LRP4: variants seen among roughly 807,000 people sequenced by gnomAD.
LRP4 encodes the protein LDL receptor related protein 4.
LRP4 carries 95 observed loss-of-function variants against 220.3 expected under a neutral mutation model. That is an observed-to-expected ratio of 0.43 (90% CI 0.37 to 0.51). LRP4 has a LOEUF of 0.51. LRP4 is among the 20% of genes least tolerant of loss of function. The pLI, the probability that LRP4 is intolerant of heterozygous loss-of-function variation, is 0.00. For synonymous variants in LRP4, 903 were observed against 954.6 expected (o/e 0.95, Z 1.00); for missense variants, 1,925 against 2,567.0 (o/e 0.75, Z 5.40).
chr11:46,886,558 TC>T, intron 16 of LRP4, 25 bp from the exon 17 acceptor site: 1 of 1,590,144 alleles, frequency 6.3e-7, no homozygotes, highest in East Asian at 2.2e-5. Context: ...AAAGGGGTCT[TC>T]TTTTAATGCT....
chr11:46,896,514 A>G (rs942076886), intron 8 of LRP4, among the ~76,000 whole-genome samples, 179 bp from the exon 9 acceptor site: 1 of 152,238 alleles, frequency 6.6e-6, no homozygotes, highest in Non-Finnish European at 1.5e-5. Flanking sequence ...CTTTCTCCCC[A>G]GGACTCCACA....
chr11:46,906,987 T>C (rs1941770475), intron 1 of LRP4, among the ~76,000 whole-genome samples: 1 of 152,250 alleles, frequency 6.6e-6, no homozygotes, highest in African/African-American at 2.4e-5. Context: ...CCAGCTCTTC[T>C]GGGCAACTGC....
intron 31 of LRP4, among the ~76,000 whole-genome samples, chr11:46,870,527 G>A (rs897417844): frequency 1.3e-5 from 2 of 152,154 alleles, no homozygotes; most frequent in Non-Finnish European, 2.9e-5. Flanking sequence ...GGGCTCAAGC[G>A]ATCCTCCTGC....
chr11:46,902,597 C>T (rs927871671), intron 2 of LRP4, among the ~76,000 whole-genome samples, 186 bp downstream of exon 2: 2 of 152,172 alleles, frequency 1.3e-5, no homozygotes, highest in African/African-American at 4.8e-5. Flanking sequence ...CCAAAAGAAA[C>T]ACAGGAGAGT....
Position 46,873,013 on chromosome 11 carries a change from A to C in LRP4, c.4583+87T>G. On this transcript the variant is annotated intron_variant, in intron 30 of 37. Transcript: ENST00000378623. The surrounding 1 kb of genome is among the most constrained non-coding windows in gnomAD (Gnocchi z 4.2). Reference sequence around the variant, plus strand: ...TTCCCCACATACCAAGAAGCTTTCTATCTTTTCATTTTTCCAAGGTTAATC... The same window carrying C: ...TTCCCCACATACCAAGAAGCTTTCTCTCTTTTCATTTTTCCAAGGTTAATC... 6.4e-7 allele frequency: 1 copy of C among 1,560,672 alleles called. No homozygotes were observed.
In LRP4 at chr11:46,881,858, T is replaced by A. The variant is rs1471964878; in HGVS notation, c.2658A>T (p.Arg886=). Reference sequence around the variant, plus strand: ...GGCGGCCTGAGGCATCCATGCCAGCTCGTTCAATCTTGGGGCTCGCACCCC... The same window carrying A: ...GGCGGCCTGAGGCATCCATGCCAGCACGTTCAATCTTGGGGCTCGCACCCC... ...TDWGASPKIE[R]AGMDASGRQV... Residue 886 remains arginine, a synonymous_variant, in exon 20 of 38, where the codon CGA becomes CGT. Transcript: ENST00000378623. 2 of 1,614,160 alleles carry A rather than the reference T, an allele frequency of 1.2e-6. No individual in the cohort carries two copies. The highest frequency in any genetic ancestry group is 1.7e-6 in the Non-Finnish European group (2 of 1,179,992).
chr11:46,888,542 C>A (rs1941346966), intron 16 of LRP4, among the ~76,000 whole-genome samples: 1 of 8,602 alleles, frequency 1.2e-4, no homozygotes, highest in African/African-American at 1.3e-4. Flanking sequence ...AAGAGCAAAA[C>A]TGTCTCAAAA....
chr11:46,862,861 C>T (rs1454621269), intron 36 of LRP4, 114 bp from the exon 37 acceptor site: 3 of 844,932 alleles, frequency 3.6e-6, no homozygotes, highest in Non-Finnish European at 5.9e-6. Flanking sequence ...GTGACTCCCA[C>T]TTCCTGGTAC....
Position 46,881,970 on chromosome 11 carries a change from T to C in LRP4, c.2613-67A>G, listed in dbSNP as rs1319810819. 4.8e-5 allele frequency: 72 copies of C among 1,512,844 alleles called. 1 individual carries two copies. The highest frequency in any genetic ancestry group is 3.4e-4 in the South Asian group (30 of 87,404). 93.7% of individuals were successfully genotyped at this position (1,512,844 alleles called of 1,614,324 possible). ...ATATCCAGCAGGGACTCAGAGTACC[T>C]AGGATTTCAGGGTTTCTGCCTGAAG... On this transcript the variant is annotated intron_variant, in intron 19 of 37. Coordinates refer to ENST00000378623, the MANE Select transcript of LRP4 (RefSeq NM_002334.4).
chr11:46,875,428 C>T lies in LRP4; in HGVS notation c.3925+28G>A, dbSNP rs374522749. ...GGCCCCAGAAAGCCAGAGGCTCTGA[C>T]TCACAGCCCCAGCCCTCTGACTCTC... On this transcript the variant is annotated intron_variant, in intron 27 of 37. Transcript: ENST00000378623. The surrounding 1 kb of genome is among the most constrained non-coding windows in gnomAD (Gnocchi z 4.5). 2.9e-4 allele frequency: 460 copies of T among 1,591,142 alleles called. No homozygotes were observed. Among genetic ancestry groups the T allele is most frequent in the Non-Finnish European group, 3.8e-4 (435 of 1,159,704 alleles).
At chr11:46,879,973 C>T (rs1198987898) in intron 20 of LRP4, among the ~76,000 whole-genome samples, 2 of 152,082 alleles carry the variant, frequency 1.3e-5, no homozygotes, top group East Asian at 1.9e-4. Context: ...GGCGTGGTAG[C>T]GGGTGCCTAT....
At chr11:46,891,711 G>C (rs1159856960) in intron 13 of LRP4, among the ~76,000 whole-genome samples, 2 of 151,938 alleles carry the variant, frequency 1.3e-5, no homozygotes, top group East Asian at 1.9e-4. Context: ...GAACTCCAGG[G>C]CTCAGGTGAT....
intron 1 of LRP4, among the ~76,000 whole-genome samples, chr11:46,911,236 C>T (rs1941854029): frequency 6.6e-6 from 1 of 152,132 alleles, no homozygotes; most frequent in Non-Finnish European, 1.5e-5. Flanking sequence ...TCCTCTCTCT[C>T]AACCTAGTAA....
rs139692226 is a variant in LRP4, at chr11:46,875,470, C to T, written c.3911G>A (p.Arg1304Gln). 1.3e-5 allele frequency: 21 copies of T among 1,613,934 alleles called. No homozygotes were observed. Among genetic ancestry groups the T allele is most frequent in the South Asian group, 4.4e-5 (4 of 91,062 alleles). The change falls in exon 27 of 38, where the codon CGG becomes CAG. Residue 1304 changes from arginine to glutamine, a missense_variant. Arg to Gln is a conservative substitution (Grantham distance 43). This residue lies in a region of LRP4 where 1,244 missense variants were observed against 1,624.9 expected (regional missense o/e 0.77). Transcript: ENST00000378623. This position sits in a 1 kb window ranked among gnomAD's most constrained non-coding sequence, Gnocchi z 4.5. ...CTGACTCTCACCTAGTGGCTGTGCCCGGTCCACAGCCTGCATGTCCATGAG... is the reference window on the plus strand; with the variant it reads ...CTGACTCTCACCTAGTGGCTGTGCCTGGTCCACAGCCTGCATGTCCATGAG... ...PGLMDMQAVD[R>Q]AQPLGFNKCG...
rs767372563 is a variant in LRP4 at position 46,868,623 on chromosome 11, G to A, written c.4928C>T (p.Pro1643Leu). ...ACCAAGGGAGCAGGGCCGGCTATCA[G>A]GTTCGTCAGGACAGGCACATACGAA... ...SDFVCACPDE[P>L]DSRPCSLVPG... The change falls in exon 33 of 38, where the codon CCT (proline) becomes CTT (leucine). Residue 1643 changes from proline to leucine, a missense_variant. Pro to Leu is a moderately conservative substitution (Grantham distance 98). Coordinates refer to ENST00000378623, the MANE Select transcript of LRP4 (RefSeq NM_002334.4). 8 of 1,613,954 alleles carry A rather than the reference G, an allele frequency of 5.0e-6. No individual in the cohort carries two copies. The Admixed American group carries it at 1.2e-4, about 24-fold the overall frequency.
intron 16 of LRP4, among the ~76,000 whole-genome samples, chr11:46,888,472 G>C (rs573827834): frequency 4.9e-5 from 7 of 142,434 alleles, no homozygotes; most frequent in African/African-American, 1.0e-4. Flanking sequence ...AGAATAGCTT[G>C]AACCTGGGAA....
chr11:46,867,215 T>C (rs1940726688), intron 34 of LRP4, among the ~76,000 whole-genome samples: 1 of 150,196 alleles, frequency 6.7e-6, no homozygotes, highest in Admixed American at 6.6e-5. Context: ...TAATGGTGTT[T>C]GTGTGTGTGT....
At position 46,873,854 on chromosome 11, in the gene LRP4, A is replaced by G. The variant is rs1404217528; in HGVS notation, c.4230-261T>C. The G allele has an allele frequency of 2.0e-6, 1 of 498,592 alleles. No individual in the cohort carries two copies. Among genetic ancestry groups the G allele is most frequent in the Admixed American group, 3.5e-5 (1 of 28,690 alleles). 30.9% of individuals were successfully genotyped at this position (498,592 alleles called of 1,614,324 possible). On this transcript the variant is annotated intron_variant, in intron 28 of 37. Coordinates refer to ENST00000378623, the MANE Select transcript of LRP4 (RefSeq NM_002334.4). The surrounding 1 kb of genome is among the most constrained non-coding windows in gnomAD (Gnocchi z 4.2). Reference sequence around the variant, plus strand: ...GGCGGTTGCCAGGGGATGTCTTGCTAGAAGACAAGTTTATCATTCCCCACA... The same window carrying G: ...GGCGGTTGCCAGGGGATGTCTTGCTGGAAGACAAGTTTATCATTCCCCACA...
At chr11:46,914,381 A>C (rs193187294) in intron 1 of LRP4, among the ~76,000 whole-genome samples, 1 of 152,336 alleles carries the variant, frequency 6.6e-6, no homozygotes, top group Admixed American at 6.5e-5. Flanking sequence ...ATGAATGAAC[A>C]AGTGAATGGG....
Sources: allele counts gnomAD v4.1 joint callset (sites outside exome capture counted in the v4.1 genomes callset), GRCh38; gene constraint gnomAD v4.1.1; regional missense constraint gnomAD v4.1.1; non-coding constraint Gnocchi (gnomAD v3.1); transcripts MANE v1.5; gene names NCBI Gene and HGNC (gene_info 2026-07-23, HGNC 2026-07-21).